The following TLL2 variants were observed in gnomAD, a reference collection of about 807,000 sequenced individuals.
The protein encoded by TLL2 is tolloid-like protein 2.
In TLL2, 106 loss-of-function variants were observed where a neutral mutation model predicts 123.0. That is an observed-to-expected ratio of 0.86 (90% CI 0.74 to 1.01). The LOEUF is 1.01. TLL2 is among the 50% of genes least tolerant of loss of function. The pLI, the probability that TLL2 is intolerant of heterozygous loss-of-function variation, is 0.00. For missense variants in TLL2, 1,332 were observed against 1,336.7 expected (o/e 1.00, Z 0.06); for synonymous variants, 494 against 516.8 (o/e 0.96, Z 0.60).
At chr10:96,496,192 A>G (rs1366844283) in intron 1 of TLL2, among the ~76,000 whole-genome samples, 1 of 152,162 alleles carries the variant, frequency 6.6e-6, no homozygotes, top group African/African-American at 2.4e-5. Flanking sequence ...GATATTCCTA[A>G]TTGATCACAG....
intron 1 of TLL2, among the ~76,000 whole-genome samples, chr10:96,497,265 G>A (rs994513562): frequency 1.3e-5 from 2 of 152,146 alleles, no homozygotes; most frequent in African/African-American, 4.8e-5. Flanking sequence ...CTGGGCAACA[G>A]AATGAGACTC....
chr10:96,436,146 C>G (rs1846793276), intron 3 of TLL2, among the ~76,000 whole-genome samples: 1 of 152,190 alleles, frequency 6.6e-6, no homozygotes, highest in African/African-American at 2.4e-5. Context: ...GTTACAACTA[C>G]TCAACTCTGC....
intron 5 of TLL2, among the ~76,000 whole-genome samples, chr10:96,425,919 T>G (rs1001735649): frequency 1.3e-5 from 2 of 152,104 alleles, no homozygotes; most frequent in African/African-American, 4.8e-5. Flanking sequence ...TTAAACTTGT[T>G]CATGATTTTA....
chr10:96,390,116 C>T (rs562367547), intron 13 of TLL2, among the ~76,000 whole-genome samples: 2 of 152,358 alleles, frequency 1.3e-5, no homozygotes, highest in South Asian at 4.1e-4. Context: ...TTCAGCTTAG[C>T]ATAGCAGGAG....
intron 3 of TLL2, among the ~76,000 whole-genome samples, chr10:96,442,169 C>A (rs562707731): frequency 2.0e-5 from 3 of 152,160 alleles, no homozygotes; most frequent in Non-Finnish European, 2.9e-5. Context: ...GTTGAGTGAG[C>A]ATTTCAGCCC....
chr10:96,513,500 G>A lies in TLL2; in HGVS notation c.175+11C>T, dbSNP rs199895132. 2 of 1,611,884 alleles carry A rather than the reference G, an allele frequency of 1.2e-6. No individual in the cohort carries two copies. The highest frequency in any genetic ancestry group is 1.7e-6 in the Non-Finnish European group (2 of 1,179,478). On this transcript the variant is annotated intron_variant, in intron 1 of 20. Coordinates refer to ENST00000357947, the MANE Select transcript of TLL2 (RefSeq NM_012465.4). ...AAACTTCTGCGGGACTTCCCCAGCG[G>A]CGGCACCTACCGGCTTTGCAAGGGT... is the stretch of plus-strand genomic sequence containing the variant.
intron 14 of TLL2, 41 bp downstream of exon 14, chr10:96,386,912 C>T (rs1267025965): frequency 6.2e-7 from 1 of 1,612,224 alleles, no homozygotes. Context: ...AGACTTGTCC[C>T]ATATACCCTC....
chr10:96,456,901 C>A (rs1025469392), intron 2 of TLL2, among the ~76,000 whole-genome samples: 2 of 152,158 alleles, frequency 1.3e-5, no homozygotes, highest in African/African-American at 4.8e-5. Flanking sequence ...CTGGAGGCAG[C>A]ATTAAGGACA....
chr10:96,395,455 C>A, intron 12 of TLL2, 73 bp from the exon 13 acceptor site: 1 of 1,425,452 alleles, frequency 7.0e-7, no homozygotes, highest in Non-Finnish European at 9.3e-7. Context: ...AGAAGAGAAC[C>A]CAAATATCAC....
chr10:96,396,097 G>T (rs917917741), intron 11 of TLL2, 77 bp from the exon 12 acceptor site: 1 of 1,549,164 alleles, frequency 6.5e-7, no homozygotes, highest in Non-Finnish European at 8.8e-7. Flanking sequence ...TGGGGAGGCG[G>T]GGGGAACAGC....
At chr10:96,501,057 A>C (rs868394422) in intron 1 of TLL2, among the ~76,000 whole-genome samples, 1 of 152,220 alleles carries the variant, frequency 6.6e-6, no homozygotes, top group African/African-American at 2.4e-5. Flanking sequence ...TGTTGCAAAC[A>C]TGCCTAGAAA....
chr10:96,422,682 T>C lies in TLL2; in HGVS notation c.684A>G (p.Ile228Met). 6.2e-7 allele frequency: 1 copy of C among 1,614,210 alleles called. No individual in the cohort carries two copies. Among genetic ancestry groups the C allele is most frequent in the Non-Finnish European group, 8.5e-7 (1 of 1,180,032 alleles). Residue 228 changes from isoleucine (I) to methionine (M), a missense_variant, in exon 6 of 21, where the codon ATA becomes ATG. Physicochemically the swap from Ile to Met is conservative, Grantham distance 10. Transcript: ENST00000357947. ...VGRRGGGPQA[I>M]SIGKNCDKFG... ...ACTTGTCACAGTTCTTCCCAATGGATATGGCCTGTGGGCCTCCTCCTCGGC... is the reference window on the plus strand; with the variant it reads ...ACTTGTCACAGTTCTTCCCAATGGACATGGCCTGTGGGCCTCCTCCTCGGC...
chr10:96,501,770 C>T (rs1847535753), intron 1 of TLL2, among the ~76,000 whole-genome samples: 2 of 152,222 alleles, frequency 1.3e-5, no homozygotes, highest in Admixed American at 1.3e-4. Flanking sequence ...ACTCCCTCAC[C>T]AGGAAGTCTT....
chr10:96,406,932 T>G (rs964114820), intron 9 of TLL2, among the ~76,000 whole-genome samples: 1 of 151,974 alleles, frequency 6.6e-6, no homozygotes, highest in Non-Finnish European at 1.5e-5. Flanking sequence ...ATCCCTCCCC[T>G]CTAACCCCAT....
intron 2 of TLL2, among the ~76,000 whole-genome samples, chr10:96,464,104 C>T (rs1434239879): frequency 6.6e-6 from 1 of 152,176 alleles, no homozygotes; most frequent in African/African-American, 2.4e-5. Flanking sequence ...TGGCTGACAC[C>T]TGTAATCCCA....
rs1846525669 is a variant in TLL2 at position 96,413,321 on chromosome 10, A to G, written c.924-5T>C. 1.2e-6 allele frequency: 2 copies of G among 1,611,810 alleles called. No individual in the cohort carries two copies. The highest frequency in any genetic ancestry group is 8.5e-7 in the Non-Finnish European group (1 of 1,178,120). On this transcript the variant is annotated splice_region_variant and splice_polypyrimidine_tract_variant and intron_variant, in intron 7 of 20. Coordinates refer to ENST00000357947, the MANE Select transcript of TLL2 (RefSeq NM_012465.4). ...ATGGTGTCTAAGAAAACTCCTCTAC[A>G]GGAAGGAAAAAAGACAGAAAAAGAA...
intron 1 of TLL2, among the ~76,000 whole-genome samples, chr10:96,501,984 G>T (rs1847537403): frequency 6.6e-6 from 1 of 152,180 alleles, no homozygotes; most frequent in Non-Finnish European, 1.5e-5. Flanking sequence ...ATCAGTAATA[G>T]ACCCAGTTAC....
At chr10:96,431,376 C>G (rs1846738459) in intron 4 of TLL2, among the ~76,000 whole-genome samples, 2 of 152,190 alleles carry the variant, frequency 1.3e-5, no homozygotes, top group Admixed American at 6.5e-5. Flanking sequence ...CTGCTGAGGT[C>G]TTCACCGTTC....
chr10:96,487,100 A>G (rs1288510979), intron 1 of TLL2, among the ~76,000 whole-genome samples: 1 of 152,240 alleles, frequency 6.6e-6, no homozygotes, highest in African/African-American at 2.4e-5. Context: ...TCCCAGTGCC[A>G]TCACTGAAGA....
Sources: gnomAD v4.1 joint callset for allele counts (sites outside exome capture counted in the v4.1 genomes callset) on GRCh38, gnomAD v4.1.1 for gene constraint, MANE v1.5 for transcripts, NCBI Gene and HGNC (gene_info 2026-07-23, HGNC 2026-07-21) for gene names.